Variants in FGGY observed in about 807,000 individuals in gnomAD.
FGGY encodes the protein FGGY carbohydrate kinase domain-containing protein.
A neutral mutation model predicts 71.3 loss-of-function variants in FGGY; 72 were observed. The ratio of observed to expected loss-of-function variants is 1.01; its 90% confidence interval spans 0.84 to 1.23. FGGY has a LOEUF of 1.23. Among genes scored for constraint, FGGY ranks in the 50% most tolerant of loss-of-function variants. The pLI, the probability that FGGY is intolerant of heterozygous loss-of-function variation, is 0.00. For synonymous variants in FGGY, 251 were observed against 250.3 expected (o/e 1.00, Z -0.02); for missense variants, 668 against 682.3 (o/e 0.98, Z 0.23).
intron 8 of FGGY, among the ~76,000 whole-genome samples, chr1:59,597,375 C>T (rs2096534105): frequency 6.6e-6 from 1 of 152,154 alleles, no homozygotes; most frequent in Admixed American, 6.5e-5. Context: ...TACTTATGCC[C>T]ACTGACAGAT....
chr1:59,446,070 C>T (rs1173259963), intron 5 of FGGY, among the ~76,000 whole-genome samples: 1 of 152,138 alleles, frequency 6.6e-6, no homozygotes, highest in Non-Finnish European at 1.5e-5. Context: ...TGCATAATGC[C>T]TGGCGTATAA....
intron 6 of FGGY, among the ~76,000 whole-genome samples, chr1:59,508,594 G>A (rs1031598971): frequency 1.3e-5 from 2 of 152,194 alleles, no homozygotes; most frequent in Admixed American, 6.5e-5. Context: ...AACTTAGAGT[G>A]TGATTTTGAA....
At chr1:59,755,389 T>A (rs541112825) in intron 14 of FGGY, 55 of 152,124 alleles carry the variant, frequency 3.6e-4, no homozygotes, top group African/African-American at 1.3e-3. Flanking sequence ...GCGCTCACAG[T>A]CTAGTTGGGG....
In FGGY at chr1:59,374,735, G is replaced by C. The variant is rs893983663; in HGVS notation, c.466-4014G>C. On this transcript the variant is annotated intron_variant, in intron 4 of 15. Coordinates refer to ENST00000303721, the MANE Select transcript of FGGY (RefSeq NM_018291.5). ...AATACTATGCAGCCATAAAAATGTTGAGTTCACATCATGTCCTTTGTAGGG... is the reference window on the plus strand; with the variant it reads ...AATACTATGCAGCCATAAAAATGTTCAGTTCACATCATGTCCTTTGTAGGG... Among the ~76,000 whole-genome samples the C allele has an allele frequency of 4.6e-5, 7 of 151,180 alleles. No individual in the cohort carries two copies. The East Asian group carries it at 1.4e-3, about 30-fold the overall frequency.
chr1:59,575,247 C>G (rs1283544870), intron 8 of FGGY, among the ~76,000 whole-genome samples: 2 of 152,108 alleles, frequency 1.3e-5, no homozygotes, highest in African/African-American at 4.8e-5. Context: ...TACAATTTGG[C>G]CAACATCTCT....
chr1:59,614,152 GC>G (rs1301315798), intron 9 of FGGY, among the ~76,000 whole-genome samples: 5 of 152,150 alleles, frequency 3.3e-5, no homozygotes, highest in Non-Finnish European at 7.3e-5. Flanking sequence ...ATTTTATGAG[GC>G]CAGCATCATC....
At chr1:59,580,712 A>G (rs762131805) in intron 8 of FGGY, among the ~76,000 whole-genome samples, 24 of 152,204 alleles carry the variant, frequency 1.6e-4, no homozygotes, top group Non-Finnish European at 2.1e-4. Flanking sequence ...TCCTAAACCT[A>G]GAATTTTCAA....
chr1:59,361,605 A>G (rs941010628), intron 4 of FGGY, among the ~76,000 whole-genome samples: 9 of 152,180 alleles, frequency 5.9e-5, no homozygotes, highest in Non-Finnish European at 1.2e-4. Flanking sequence ...CCTTTTATAT[A>G]TTCCATGCTA....
intron 11 of FGGY, among the ~76,000 whole-genome samples, chr1:59,657,698 T>G (rs2097233692): frequency 6.6e-6 from 1 of 152,224 alleles, no homozygotes; most frequent in African/African-American, 2.4e-5. Flanking sequence ...ACTCTGCACC[T>G]TTTTATAATT....
intron 1 of FGGY, among the ~76,000 whole-genome samples, chr1:59,303,862 G>A (rs935817970): frequency 6.6e-6 from 1 of 151,826 alleles, no homozygotes; most frequent in Non-Finnish European, 1.5e-5. Context: ...GGGTGAGCAC[G>A]TTTTCATATA....
intron 5 of FGGY, 82 bp from the exon 6 acceptor site, chr1:59,456,879 T>C (rs2091752720): frequency 1.2e-6 from 1 of 833,788 alleles, no homozygotes; most frequent in Non-Finnish European, 2.0e-6. Context: ...CCTCTGCAGA[T>C]ACCTGGACGG....
intron 2 of FGGY, among the ~76,000 whole-genome samples, chr1:59,323,599 A>G (rs149528760): frequency 7.3e-4 from 111 of 152,360 alleles, no homozygotes; most frequent in African/African-American, 2.6e-3. Context: ...GACCTGTTAT[A>G]GAGCACAGAT....
At chr1:59,721,379 C>A (rs1396078267) in intron 14 of FGGY, among the ~76,000 whole-genome samples, 22 of 109,008 alleles carry the variant, frequency 2.0e-4, no homozygotes, top group Non-Finnish European at 3.1e-4. Flanking sequence ...TGCTCTGTTG[C>A]CTAGGCTGGA....
intron 1 of FGGY, among the ~76,000 whole-genome samples, chr1:59,299,568 G>A (rs1323384906): frequency 1.3e-5 from 2 of 152,160 alleles, no homozygotes; most frequent in Non-Finnish European, 1.5e-5. Flanking sequence ...TGTTATAAAG[G>A]TTCAGTGCCA....
chr1:59,464,077 A>C (rs2092447502), intron 6 of FGGY, among the ~76,000 whole-genome samples: 1 of 152,220 alleles, frequency 6.6e-6, no homozygotes, highest in African/African-American at 2.4e-5. Flanking sequence ...TCTGAGCACC[A>C]CATTGCACTT....
intron 5 of FGGY, among the ~76,000 whole-genome samples, chr1:59,423,813 C>T (rs940020468): frequency 4.6e-5 from 7 of 152,198 alleles, no homozygotes; most frequent in Admixed American, 6.5e-5. Context: ...GCTGGAGTTT[C>T]GTTCCTTCTT....
At chr1:59,733,623 AT>A (rs2098069282) in intron 14 of FGGY, among the ~76,000 whole-genome samples, 1 of 152,092 alleles carries the variant, frequency 6.6e-6, no homozygotes, top group African/African-American at 2.4e-5. Context: ...TCTGTGAGGA[AT>A]TTTTGCAACA....
At chr1:59,492,364 C>T (rs979157829) in intron 6 of FGGY, among the ~76,000 whole-genome samples, 3 of 152,172 alleles carry the variant, frequency 2.0e-5, no homozygotes, top group Admixed American at 1.3e-4. Context: ...GAACTCTATA[C>T]ATGCATAAGG....
At chr1:59,588,744 G>C (rs1411757377) in intron 8 of FGGY, among the ~76,000 whole-genome samples, 1 of 152,156 alleles carries the variant, frequency 6.6e-6, no homozygotes, top group African/African-American at 2.4e-5. Flanking sequence ...AATGCTGAGA[G>C]ATTTTGTCAC....
Sources: allele counts gnomAD v4.1 joint callset (sites outside exome capture counted in the v4.1 genomes callset), GRCh38; gene constraint gnomAD v4.1.1; transcripts MANE v1.5; gene names NCBI Gene and HGNC (gene_info 2026-07-23, HGNC 2026-07-21).